GCN1: variants seen among roughly 807,000 people sequenced by gnomAD.
GCN1 encodes GCN1 activator of EIF2AK4, also known as stalled ribosome sensor GCN1.
Under a neutral mutation model 288.4 loss-of-function variants are expected in GCN1, and 90 were observed. The ratio of observed to expected loss-of-function variants is 0.31; its 90% CI spans 0.26 to 0.37. The LOEUF is 0.37. Among genes scored for constraint, GCN1 ranks in the 10% least tolerant of loss-of-function variants. GCN1 has a pLI of 1.00. For missense variants in GCN1, 2,586 were observed against 3,419.9 expected (o/e 0.76, Z 6.08); for synonymous variants, 1,386 against 1,420.2 (o/e 0.98, Z 0.54).
rs1566313859 is a variant in GCN1 at position 120,170,150 on chromosome 12, G to A, written c.1519+19C>T. On this transcript the variant is annotated intron_variant, in intron 15 of 57. Transcript: ENST00000300648. Reference sequence around the variant, plus strand: ...AGAGGCCCCTGTCTCTACCATCCTAGACACCTCTGGACTCATACCAGCCTG... The same window carrying A: ...AGAGGCCCCTGTCTCTACCATCCTAAACACCTCTGGACTCATACCAGCCTG... The A allele has an allele frequency of 6.2e-7, 1 of 1,611,456 alleles. No homozygotes were observed. The highest frequency in any genetic ancestry group is 1.1e-5 in the South Asian group (1 of 90,996).
chr12:120,164,274 T>C (rs2286049), intron 18 of GCN1, 62 bp downstream of exon 18: 5 of 1,473,176 alleles, frequency 3.4e-6, no homozygotes, highest in South Asian at 1.2e-5. Flanking sequence ...AAACCCCACA[T>C]CGTAAGCAGG....
At chr12:120,145,360 A>G in intron 38 of GCN1, 30 bp from the exon 39 acceptor site, 1 of 1,506,996 alleles carries the variant, frequency 6.6e-7, no homozygotes, top group Non-Finnish European at 8.9e-7. Flanking sequence ...GGCTCAGGTG[A>G]GGCCCGACTC....
rs1333510287 is a variant in GCN1, at chr12:120,144,578, G to A, written c.5352+61C>T. 1 of 1,557,340 alleles carries A rather than the reference G, an allele frequency of 6.4e-7. No homozygotes were observed. Among genetic ancestry groups the A allele is most frequent in the Non-Finnish European group, 8.8e-7 (1 of 1,134,118 alleles). On this transcript the variant is annotated intron_variant, in intron 41 of 57. Transcript: ENST00000300648. This position sits in a 1 kb window ranked among gnomAD's most constrained non-coding sequence, Gnocchi z 4.7. ...CCAGCAGGGATCTCTAGCTCTCCAG[G>A]TGAGCACTTGCCTCCTGCCCTCCTC... is the stretch of plus-strand genomic sequence containing the variant.
chr12:120,164,470 C>T lies in GCN1; in HGVS notation c.1714G>A (p.Val572Met). ...VQQYHRALVA[V>M]LLSRTWHVRR... ...ACGTGCCAGGTGCGGCTCAGGAGCA[C>T]CGCCACCAGAGCCCGGTGGTACTGC... is the stretch of plus-strand genomic sequence containing the variant. The change falls in exon 18 of 58, where the codon GTG becomes ATG. Residue 572 changes from valine to methionine, a missense_variant. Physicochemically the swap from Val to Met is conservative, Grantham distance 21 (BLOSUM62 1). Around this residue, in one of 8 missense-constraint regions of GCN1, gnomAD observed 913 missense variants for 1,107.0 expected, o/e 0.82. Transcript: ENST00000300648. 1 of 1,614,074 alleles carries T rather than the reference C, an allele frequency of 6.2e-7. No homozygotes were observed. Among genetic ancestry groups the T allele is most frequent in the Admixed American group, 1.7e-5 (1 of 60,024 alleles).
intron 16 of GCN1, among the ~76,000 whole-genome samples, chr12:120,165,002 TAC>T (rs55710290): frequency 0.2 from 26,715 of 136,636 alleles, 2,775 homozygotes; most frequent in Non-Finnish European, 0.23. Flanking sequence ...TACACATATA[TAC>T]ACACACACAC....
Position 120,192,406 on chromosome 12 carries a change from T to A in GCN1, c.19-2006A>T, listed in dbSNP as rs546656898. 4.6e-5 allele frequency among the ~76,000 whole-genome samples: 7 copies of A among 152,270 alleles called. No homozygotes were observed. In the South Asian group the frequency reaches 1.5e-3, roughly 32 times the overall value. ...AAAATGTTCTGGCCAAATACAGAAT[T>A]CTAGGTTGAAATCATTTTCCTTTAG... On this transcript the variant is annotated intron_variant, in intron 1 of 57. Coordinates refer to ENST00000300648, the MANE Select transcript of GCN1 (RefSeq NM_006836.2).
intron 39 of GCN1, 34 bp downstream of exon 39, chr12:120,145,228 G>A (rs1233325540): frequency 6.4e-7 from 1 of 1,566,312 alleles, no homozygotes; most frequent in Non-Finnish European, 8.7e-7. Context: ...TGGATGAGGG[G>A]CCTGGCCCAT....
At position 120,153,429 on chromosome 12, in the gene GCN1, A is replaced by C; in HGVS notation, c.3868-22T>G. 1 of 1,609,800 alleles carries C rather than the reference A, an allele frequency of 6.2e-7. No homozygotes were observed. Among genetic ancestry groups the C allele is most frequent in the Non-Finnish European group, 8.5e-7 (1 of 1,177,228 alleles). On this transcript the variant is annotated intron_variant, in intron 32 of 57. Transcript: ENST00000300648. The surrounding 1 kb of genome is among the most constrained non-coding windows in gnomAD (Gnocchi z 4.4). ...TCTCCTGGAAAGCCAAACCCCTCAG[A>C]GCCTCAGGTCAACCCTACAGGCTGC...
Position 120,136,770 on chromosome 12 carries a change from C to T in GCN1, c.6778-38G>A, listed in dbSNP as rs760382222. 13 of 1,503,708 alleles carry T rather than the reference C, an allele frequency of 8.6e-6. No individual in the cohort carries two copies. The East Asian group carries it at 2.3e-4, about 26-fold the overall frequency. 93.1% of individuals were successfully genotyped at this position (1,503,708 alleles called of 1,614,324 possible). A position where few individuals can be genotyped will look rare whatever the true frequency, so the allele number is the denominator to read the frequency against. ...CCACAACTGAGAGTCAAATCTCAAA[C>T]ACCCTGGGCCCTGGTGTCTCCCATG... On this transcript the variant is annotated intron_variant, in intron 50 of 57. Coordinates refer to ENST00000300648, the MANE Select transcript of GCN1 (RefSeq NM_006836.2).
chr12:120,164,213 A>G, intron 18 of GCN1, 123 bp downstream of exon 18: 2 of 747,834 alleles, frequency 2.7e-6, no homozygotes, highest in Non-Finnish European at 4.5e-6. Context: ...AGAGCAGAAG[A>G]TGCTGGCATC....
chr12:120,155,516 T>C lies in GCN1; in HGVS notation c.3440+76A>G. On this transcript the variant is annotated intron_variant, in intron 29 of 57. Coordinates refer to ENST00000300648, the MANE Select transcript of GCN1 (RefSeq NM_006836.2). This position sits in a 1 kb window ranked among gnomAD's most constrained non-coding sequence, Gnocchi z 4.9. ...CCCAGCCCTTCTTCCCACTGGAGGCTGAGCACACTGGGTTCAGTTATTTCC... is the reference window on the plus strand; with the variant it reads ...CCCAGCCCTTCTTCCCACTGGAGGCCGAGCACACTGGGTTCAGTTATTTCC... 6.2e-7 allele frequency: 1 copy of C among 1,602,700 alleles called. No homozygotes were observed. Among genetic ancestry groups the C allele is most frequent in the East Asian group, 2.2e-5 (1 of 44,804 alleles).
At chr12:120,128,535 C>T (rs368099977) in intron 57 of GCN1, among the ~76,000 whole-genome samples, 2 of 152,170 alleles carry the variant, frequency 1.3e-5, no homozygotes, top group East Asian at 3.9e-4. Context: ...GGGGTTTCTC[C>T]ATGTTGGTCA....
intron 15 of GCN1, among the ~76,000 whole-genome samples, chr12:120,169,455 C>G (rs1000006581): frequency 2.7e-5 from 4 of 150,540 alleles, no homozygotes; most frequent in Non-Finnish European, 5.9e-5. Flanking sequence ...CGTATGTTCC[C>G]CAGCATGTTC....
chr12:120,162,792 T>C, intron 20 of GCN1, 55 bp downstream of exon 20: 1 of 1,584,540 alleles, frequency 6.3e-7, no homozygotes, highest in Non-Finnish European at 8.6e-7. Context: ...CTGTACACTG[T>C]GATGAGAGGG....
In GCN1 at chr12:120,158,617, T is replaced by A; in HGVS notation, c.2750-2A>T. The A allele has an allele frequency of 6.2e-7, 1 of 1,601,304 alleles. No individual in the cohort carries two copies. The highest frequency in any genetic ancestry group is 8.5e-7 in the Non-Finnish European group (1 of 1,173,642). On this transcript the variant is annotated splice_acceptor_variant, in intron 24 of 57. Coordinates refer to ENST00000300648, the MANE Select transcript of GCN1 (RefSeq NM_006836.2). LOFTEE classifies it high-confidence loss of function. This position sits in a 1 kb window ranked among gnomAD's most constrained non-coding sequence, Gnocchi z 4.3. ...GGGTCACGTGGCTCACCAAAGTGCC[T>A]GTGTTGAAGAGGAGAGACCCAGCAG...
chr12:120,163,228 G>C lies in GCN1; in HGVS notation c.1880C>G (p.Ala627Gly), dbSNP rs1481094511. The C allele has an allele frequency of 1.2e-6, 2 of 1,614,040 alleles. No homozygotes were observed. The highest frequency in any genetic ancestry group is 1.7e-5 in the Admixed American group (1 of 60,038). The change falls in exon 19 of 58, where the codon GCT (alanine) becomes GGT (glycine). Residue 627 changes from alanine (A) to glycine (G), a missense_variant. Coordinates refer to ENST00000300648, the MANE Select transcript of GCN1 (RefSeq NM_006836.2). ...CTTGCCTGCCTCAGTCACCTCTCCA[G>C]CATCAGTCACCAAAGCCTCTAAGGG... ...VLPLEALVTD[A>G]GEVTEAGKAY...
intron 44 of GCN1, 50 bp from the exon 45 acceptor site, chr12:120,141,073 C>T (rs540671476): frequency 2.9e-5 from 44 of 1,530,442 alleles, no homozygotes; most frequent in South Asian, 2.6e-4. Flanking sequence ...AAGCCCAGGG[C>T]ACCCAGAGGA....
rs749877923 is a variant in GCN1, at chr12:120,161,864, A to T, written c.2342+16T>A. On this transcript the variant is annotated intron_variant, in intron 21 of 57. Coordinates refer to ENST00000300648, the MANE Select transcript of GCN1 (RefSeq NM_006836.2). ...TTGGGGAGCAAAGGAAACTGAGCCC[A>T]TAAGTGAGGTCTCACCTCTGAATGA... 6.2e-7 allele frequency: 1 copy of T among 1,612,180 alleles called. No individual in the cohort carries two copies. The highest frequency in any genetic ancestry group is 8.5e-7 in the Non-Finnish European group (1 of 1,178,650).
At chr12:120,151,100 G>T (rs761034065) in intron 34 of GCN1, 45 bp downstream of exon 34, 1 of 1,595,656 alleles carries the variant, frequency 6.3e-7, no homozygotes, top group Non-Finnish European at 8.5e-7. Context: ...GCAACCTGGG[G>T]ACCAACTTCC....
Sources: allele counts gnomAD v4.1 joint callset (sites outside exome capture counted in the v4.1 genomes callset), GRCh38; gene constraint gnomAD v4.1.1; regional missense constraint gnomAD v4.1.1; non-coding constraint Gnocchi (gnomAD v3.1); transcripts MANE v1.5; gene names NCBI Gene and HGNC (gene_info 2026-07-23, HGNC 2026-07-21).